The following CDK6 variants were observed in gnomAD, a reference collection of about 807,000 sequenced individuals.
CDK6 encodes the protein cyclin-dependent kinase 6.
CDK6 carries 6 observed loss-of-function variants against 37.1 expected under a neutral mutation model. That is an observed-to-expected ratio of 0.16 (90% CI 0.09 to 0.32). The LOEUF is 0.32. CDK6 is among the 10% of genes least tolerant of loss of function. The pLI is 1.00. For synonymous variants in CDK6, 160 were observed against 161.3 expected, an observed-to-expected ratio of 0.99 and a Z score of 0.06; for missense variants, 224 against 418.9, an observed-to-expected ratio of 0.53 and a Z score of 4.06.
intron 5 of CDK6, among the ~76,000 whole-genome samples, chr7:92,660,269 G>A (rs1201359502): frequency 3.3e-5 from 5 of 152,180 alleles, no homozygotes; most frequent in African/African-American, 4.8e-5. Flanking sequence ...ACAATGCTAT[G>A]GGGCTACTGT....
intron 3 of CDK6, among the ~76,000 whole-genome samples, chr7:92,756,168 A>G (rs894775220): frequency 2.6e-5 from 4 of 151,960 alleles, no homozygotes; most frequent in Non-Finnish European, 5.9e-5. Context: ...GTAAAAAAAA[A>G]AAGAAAAAAA....
At chr7:92,641,479 G>C (rs1796303638) in intron 5 of CDK6, among the ~76,000 whole-genome samples, 1 of 151,952 alleles carries the variant, frequency 6.6e-6, no homozygotes, top group African/African-American at 2.4e-5. Context: ...GTGCCTTTCT[G>C]GTATGTTCCC....
At position 92,755,900 on chromosome 7, in the gene CDK6, G is replaced by A. The variant is rs141178959; in HGVS notation, c.369+18796C>T. 1.5e-3 allele frequency among the ~76,000 whole-genome samples: 231 copies of A among 152,122 alleles called. 1 individual carries two copies. Among genetic ancestry groups the A allele is most frequent in the African/African-American group, 4.8e-3 (201 of 41,500 alleles). On this transcript the variant is annotated intron_variant, in intron 3 of 7. Transcript: ENST00000424848. ...CCCGGTTTAAAAATTCTATGCATGGGTATCTCTTTCACTCTTTCTTGCACA... is the reference window on the plus strand; with the variant it reads ...CCCGGTTTAAAAATTCTATGCATGGATATCTCTTTCACTCTTTCTTGCACA...
chr7:92,614,515 T>C lies in CDK6; in HGVS notation c.*625A>G, dbSNP rs1018757303. ...TTTACTGCTAGCAAATTTACTGCTT[T>C]TGGCCAGAAAAGAAATGCTGAGGAC... On this transcript the variant is annotated 3_prime_UTR_variant, in exon 8 of 8. Transcript: ENST00000424848. 2 of 233,294 alleles carry C rather than the reference T, an allele frequency of 8.6e-6. No homozygotes were observed. Among genetic ancestry groups the C allele is most frequent in the Non-Finnish European group, 1.7e-5 (2 of 118,072 alleles). The allele number at this position is 233,294 out of a possible 1,614,324, so 14.5% of individuals were successfully genotyped here. A position where few individuals can be genotyped will look rare whatever the true frequency, so the allele number is the denominator to read the frequency against.
At chr7:92,781,667 T>C (rs1342064838) in intron 2 of CDK6, among the ~76,000 whole-genome samples, 1 of 152,214 alleles carries the variant, frequency 6.6e-6, no homozygotes, top group African/African-American at 2.4e-5. Context: ...CTATGAGGAT[T>C]TTTTTCCGGT....
At chr7:92,636,107 GGTGCA>G in intron 5 of CDK6, among the ~76,000 whole-genome samples, 1 of 151,526 alleles carries the variant, frequency 6.6e-6, no homozygotes, top group East Asian at 1.9e-4. Flanking sequence ...CCCAGGCTGG[GGTGCA>G]GTGAAGTGAT....
intron 4 of CDK6, among the ~76,000 whole-genome samples, chr7:92,713,021 GC>G (rs1478889921): frequency 1.3e-5 from 2 of 152,068 alleles, no homozygotes; most frequent in East Asian, 1.9e-4. Context: ...ACCACACCTG[GC>G]TAATTTTTGT....
intron 4 of CDK6, among the ~76,000 whole-genome samples, chr7:92,711,552 ATTTTTTTTTTTTTTTT>A (rs11285626): frequency 1.8e-5 from 1 of 56,614 alleles, no homozygotes; most frequent in African/African-American, 8.2e-5. Flanking sequence ...GAATGGTCAA[ATTTTTTTTTTTTTTTT>A]TTTTTTTTTT....
At chr7:92,743,364 G>A (rs981377559) in intron 3 of CDK6, among the ~76,000 whole-genome samples, 5 of 149,770 alleles carry the variant, frequency 3.3e-5, no homozygotes, top group Non-Finnish European at 7.4e-5. Flanking sequence ...TGACAAAAGC[G>A]AAATTCTGTC....
At chr7:92,677,552 G>A (rs941800785) in intron 4 of CDK6, among the ~76,000 whole-genome samples, 3 of 152,226 alleles carry the variant, frequency 2.0e-5, no homozygotes, top group African/African-American at 7.2e-5. Context: ...CTGGGAGGTG[G>A]AGGTTGCAGT....
At chr7:92,790,535 A>T (rs1800255754) in intron 2 of CDK6, among the ~76,000 whole-genome samples, 1 of 152,204 alleles carries the variant, frequency 6.6e-6, no homozygotes, top group African/African-American at 2.4e-5. Flanking sequence ...CTAGGTATAG[A>T]AAAATCAAAG....
At chr7:92,788,500 T>C (rs925167625) in intron 2 of CDK6, among the ~76,000 whole-genome samples, 2 of 152,224 alleles carry the variant, frequency 1.3e-5, no homozygotes, top group Admixed American at 1.3e-4. Context: ...CATTGAACAT[T>C]TTCTTGACTT....
chr7:92,723,660 G>A (rs899944248), intron 4 of CDK6, among the ~76,000 whole-genome samples: 5 of 151,708 alleles, frequency 3.3e-5, no homozygotes, highest in Non-Finnish European at 5.9e-5. Flanking sequence ...AATTCCAACC[G>A]TCACTCTTTC....
intron 5 of CDK6, among the ~76,000 whole-genome samples, chr7:92,667,554 T>C (rs566582285): frequency 1.7e-3 from 159 of 91,774 alleles, no homozygotes; most frequent in Non-Finnish European, 2.5e-3. Context: ...TTTAAAAAGT[T>C]TTTTTTTTTT....
chr7:92,686,313 C>T (rs1404692111), intron 4 of CDK6, among the ~76,000 whole-genome samples: 1 of 152,024 alleles, frequency 6.6e-6, no homozygotes, highest in Non-Finnish European at 1.5e-5. Context: ...CCCCAAAGTC[C>T]ACTGTATCAT....
At chr7:92,763,207 G>A (rs1799501042) in intron 3 of CDK6, among the ~76,000 whole-genome samples, 1 of 152,202 alleles carries the variant, frequency 6.6e-6, no homozygotes, top group Non-Finnish European at 1.5e-5. Context: ...TAGATTCTGA[G>A]TACTCATGGC....
intron 2 of CDK6, among the ~76,000 whole-genome samples, chr7:92,815,535 C>T (rs373040316): frequency 6.6e-6 from 1 of 152,250 alleles, no homozygotes. Context: ...TAGTAGAGGA[C>T]TGTGATCCCT....
At chr7:92,820,980 TG>T (rs1230195903) in intron 2 of CDK6, among the ~76,000 whole-genome samples, 19 of 147,638 alleles carry the variant, frequency 1.3e-4, no homozygotes, top group Non-Finnish European at 2.7e-4. Flanking sequence ...AAGCTGGGGG[TG>T]GGGGGGTGGA....
At chr7:92,807,135 A>G (rs970207774) in intron 2 of CDK6, among the ~76,000 whole-genome samples, 6 of 152,132 alleles carry the variant, frequency 3.9e-5, no homozygotes, top group Non-Finnish European at 8.8e-5. Context: ...TAATCTTGAG[A>G]GCCTCTAGAT....
Sources: allele counts gnomAD v4.1 joint callset (sites outside exome capture counted in the v4.1 genomes callset), GRCh38; gene constraint gnomAD v4.1.1; transcripts MANE v1.5; gene names NCBI Gene and HGNC (gene_info 2026-07-23, HGNC 2026-07-21).